Variants in NTM observed in about 807,000 individuals in gnomAD.
NTM encodes IgLON family member 2.
NTM carries 13 observed loss-of-function variants against 42.1 expected under a neutral mutation model. The ratio of observed to expected loss-of-function variants is 0.31; its 90% CI spans 0.20 to 0.49. NTM has a LOEUF of 0.49. Ranked by LOEUF, NTM falls within the 20% of genes least tolerant of loss-of-function variation. NTM has a pLI of 0.99. For synonymous variants in NTM, 187 were observed against 179.2 expected, an observed-to-expected ratio of 1.04 and a Z score of -0.35; for missense variants, 373 against 452.8, an observed-to-expected ratio of 0.82 and a Z score of 1.60.
intron 1 of NTM, among the ~76,000 whole-genome samples, chr11:131,522,434 G>T (rs1221981784): frequency 2.6e-5 from 4 of 151,922 alleles, no homozygotes; most frequent in African/African-American, 9.7e-5. Context: ...AAAATGGTCT[G>T]CTGAGATCTT....
At chr11:132,206,557 G>A (rs1407194356) in intron 3 of NTM, among the ~76,000 whole-genome samples, 1 of 152,214 alleles carries the variant, frequency 6.6e-6, no homozygotes, top group Non-Finnish European at 1.5e-5. Context: ...TTTTATAAAT[G>A]TGGAGAGCAA....
At chr11:132,240,746 T>C (rs2090052645) in intron 4 of NTM, among the ~76,000 whole-genome samples, 1 of 152,174 alleles carries the variant, frequency 6.6e-6, no homozygotes, top group African/African-American at 2.4e-5. Flanking sequence ...TGAAATTAGA[T>C]AGAGAAAAAA....
At chr11:131,757,396 T>C (rs1240742281) in intron 1 of NTM, among the ~76,000 whole-genome samples, 1 of 152,220 alleles carries the variant, frequency 6.6e-6, no homozygotes, top group African/African-American at 2.4e-5. Context: ...GTCTAGCTCT[T>C]CAACGATATA....
intron 1 of NTM, among the ~76,000 whole-genome samples, chr11:131,712,171 A>AAT (rs1675738213): frequency 1.4e-5 from 2 of 142,670 alleles, no homozygotes; most frequent in African/African-American, 5.2e-5. Context: ...AAATTAAAAA[A>AAT]TTAAAAAAAA....
chr11:131,410,863 C>T (rs58306082), intron 1 of NTM, among the ~76,000 whole-genome samples: 1,591 of 152,240 alleles, frequency 0.01, 17 homozygotes, highest in African/African-American at 0.036. Context: ...AGGTCTACAT[C>T]TTCACACTGA....
chr11:131,650,113 A>G (rs73592235), intron 1 of NTM, among the ~76,000 whole-genome samples: 7,867 of 152,210 alleles, frequency 0.052, 404 homozygotes, highest in African/African-American at 0.14. Flanking sequence ...GCTGTCTAAC[A>G]CCACACAGAC....
intron 1 of NTM, among the ~76,000 whole-genome samples, chr11:131,376,760 C>T (rs1240691279): frequency 6.6e-6 from 1 of 151,620 alleles, no homozygotes; most frequent in Non-Finnish European, 1.5e-5. Flanking sequence ...TTTACTTCCT[C>T]ATTCAAATTC....
At chr11:131,800,085 C>T (rs972377369) in intron 1 of NTM, among the ~76,000 whole-genome samples, 1 of 152,202 alleles carries the variant, frequency 6.6e-6, no homozygotes, top group Admixed American at 6.5e-5. Flanking sequence ...TAGATCCCCA[C>T]ACATAGTGCC....
chr11:131,630,939 G>A (rs2063592553), intron 1 of NTM, among the ~76,000 whole-genome samples: 1 of 152,146 alleles, frequency 6.6e-6, no homozygotes, highest in African/African-American at 2.4e-5. Flanking sequence ...CACTAAAACT[G>A]TGCTTTCAAA....
intron 1 of NTM, among the ~76,000 whole-genome samples, chr11:131,664,143 G>C (rs1041531131): frequency 6.6e-6 from 1 of 152,228 alleles, no homozygotes; most frequent in Admixed American, 6.5e-5. Flanking sequence ...AGGTGACAAA[G>C]AGCTGGGCCC....
At chr11:132,066,371 C>T (rs576545442) in intron 2 of NTM, among the ~76,000 whole-genome samples, 1 of 152,194 alleles carries the variant, frequency 6.6e-6, no homozygotes, top group Non-Finnish European at 1.5e-5. Flanking sequence ...GGATATTCAT[C>T]TGGACCCTTC....
rs1019871862 is a variant in NTM at position 131,476,810 on chromosome 11, C to T, written c.82+105922C>T. Among the ~76,000 whole-genome samples, 4 of 142,478 alleles carry T rather than the reference C, an allele frequency of 2.8e-5. No homozygotes were observed. In the East Asian group the frequency reaches 6.8e-4, roughly 24 times the overall value. 93.5% of individuals were successfully genotyped at this position (142,478 alleles called of 152,430 possible). ...CAGCCCACATAGGCGGAAAAGCTCTCTAATCTTTATCTCAGGGGCTAAATA... is the reference window on the plus strand; with the variant it reads ...CAGCCCACATAGGCGGAAAAGCTCTTTAATCTTTATCTCAGGGGCTAAATA... On this transcript the variant is annotated intron_variant, in intron 1 of 8. Coordinates refer to ENST00000683400, the MANE Select transcript of NTM (RefSeq NM_001352005.2).
At chr11:131,657,170 A>G in intron 1 of NTM, among the ~76,000 whole-genome samples, 1 of 148,306 alleles carries the variant, frequency 6.7e-6, no homozygotes. Context: ...AAAATCATCG[A>G]AATGGGTCAG....
At chr11:132,320,738 A>G (rs1180055232) in intron 7 of NTM, among the ~76,000 whole-genome samples, 4 of 152,040 alleles carry the variant, frequency 2.6e-5, no homozygotes, top group Middle Eastern at 3.4e-3. Context: ...CAGACAAACA[A>G]AAAGACAGCA....
intron 3 of NTM, among the ~76,000 whole-genome samples, chr11:132,205,407 A>G (rs2081843464): frequency 6.6e-6 from 1 of 152,226 alleles, no homozygotes; most frequent in South Asian, 2.1e-4. Context: ...AAGCTAAACC[A>G]AGAGTAGGGA....
intron 4 of NTM, among the ~76,000 whole-genome samples, chr11:132,301,842 C>T (rs1370261921): frequency 6.6e-6 from 1 of 152,172 alleles, no homozygotes; most frequent in African/African-American, 2.4e-5. Flanking sequence ...AAGATTGTAT[C>T]TCAGCTGGTA....
intron 1 of NTM, among the ~76,000 whole-genome samples, chr11:131,468,693 C>T (rs541473693): frequency 2.0e-5 from 3 of 152,230 alleles, no homozygotes; most frequent in Admixed American, 2.0e-4. Flanking sequence ...GACAAGATGT[C>T]TGTCGAGTTG....
intron 1 of NTM, among the ~76,000 whole-genome samples, chr11:131,516,177 G>T (rs2136506750): frequency 6.6e-6 from 1 of 152,264 alleles, no homozygotes; most frequent in Admixed American, 6.5e-5. Context: ...TTCTCAAAGT[G>T]CTTTTACATA....
intron 1 of NTM, among the ~76,000 whole-genome samples, chr11:131,715,264 T>C (rs1203370094): frequency 6.6e-6 from 1 of 152,196 alleles, no homozygotes; most frequent in Non-Finnish European, 1.5e-5. Flanking sequence ...TTCCTATTTA[T>C]AGCAAGATTG....
Sources: allele counts gnomAD v4.1 joint callset (sites outside exome capture counted in the v4.1 genomes callset), GRCh38; gene constraint gnomAD v4.1.1; transcripts MANE v1.5; gene names NCBI Gene and HGNC (gene_info 2026-07-23, HGNC 2026-07-21).